Variants in TMEM244 observed in about 807,000 individuals in gnomAD.
The protein encoded by TMEM244 is transmembrane protein 244, also known as putative transmembrane protein 244.
In TMEM244, 13 loss-of-function variants were observed where a neutral mutation model predicts 15.8. The ratio of observed to expected loss-of-function variants is 0.82; its 90% CI spans 0.53 to 1.30. TMEM244 has a LOEUF of 1.30. Ranked by LOEUF, TMEM244 falls within the 50% of genes most tolerant of loss-of-function variation. The pLI is 0.00. For synonymous variants in TMEM244, 45 were observed against 48.7 expected (o/e 0.92, Z 0.32); for missense variants, 161 against 144.9 (o/e 1.11, Z -0.57).
At chr6:129,839,608 G>A (rs9402183) in intron 3 of TMEM244, among the ~76,000 whole-genome samples, 20,266 of 152,110 alleles carry the variant, frequency 0.13, 1,463 homozygotes, top group South Asian at 0.22. Flanking sequence ...GAAATAAAGC[G>A]TATTCAATTA....
chr6:129,851,859 G>C (rs9388743), intron 1 of TMEM244, among the ~76,000 whole-genome samples: 22,009 of 152,108 alleles, frequency 0.14, 1,633 homozygotes, highest in East Asian at 0.22. Context: ...TTTTTATTAC[G>C]TTTTTAAATA....
chr6:129,843,860 A>G (rs1393536038), intron 2 of TMEM244, among the ~76,000 whole-genome samples: 1 of 152,184 alleles, frequency 6.6e-6, no homozygotes, highest in South Asian at 2.1e-4. Flanking sequence ...GCAAAATTTC[A>G]GATCAGTCAT....
At chr6:129,859,388 C>T (rs1776768460) in intron 1 of TMEM244, among the ~76,000 whole-genome samples, 1 of 152,196 alleles carries the variant, frequency 6.6e-6, no homozygotes, top group Non-Finnish European at 1.5e-5. Flanking sequence ...ATATGACTCT[C>T]TCACTTGTAG....
intron 1 of TMEM244, among the ~76,000 whole-genome samples, chr6:129,860,332 T>A (rs7752926): frequency 0.071 from 10,863 of 152,234 alleles, 652 homozygotes; most frequent in African/African-American, 0.16. Flanking sequence ...ATAAGCTTTT[T>A]AAAAATATTT....
At chr6:129,837,978 C>A (rs900611385) in intron 3 of TMEM244, among the ~76,000 whole-genome samples, 17 of 152,170 alleles carry the variant, frequency 1.1e-4, no homozygotes, top group African/African-American at 4.1e-4. Context: ...TAATGGTAGA[C>A]TTTAACACCC....
intron 1 of TMEM244, among the ~76,000 whole-genome samples, chr6:129,851,780 C>A (rs1776640323): frequency 6.6e-6 from 1 of 152,134 alleles, no homozygotes; most frequent in African/African-American, 2.4e-5. Context: ...ATTATTGCTG[C>A]ACTCTAGGAA....
At chr6:129,842,210 A>G (rs891373126) in intron 3 of TMEM244, among the ~76,000 whole-genome samples, 1 of 152,166 alleles carries the variant, frequency 6.6e-6, no homozygotes, top group Admixed American at 6.5e-5. Flanking sequence ...AAATAATGAC[A>G]GTTGAGTGTT....
chr6:129,858,523 A>C (rs949170281), intron 1 of TMEM244, among the ~76,000 whole-genome samples: 2 of 152,166 alleles, frequency 1.3e-5, no homozygotes, highest in Non-Finnish European at 2.9e-5. Context: ...ACTGCAGGAC[A>C]GAATCAATCT....
intron 1 of TMEM244, among the ~76,000 whole-genome samples, chr6:129,857,972 G>A (rs1776741405): frequency 6.6e-6 from 1 of 151,910 alleles, no homozygotes; most frequent in African/African-American, 2.4e-5. Flanking sequence ...CGTCTATGAA[G>A]ATGAGTGAAG....
At chr6:129,849,663 G>A (rs983982824) in intron 1 of TMEM244, among the ~76,000 whole-genome samples, 6 of 152,060 alleles carry the variant, frequency 3.9e-5, no homozygotes, top group African/African-American at 1.4e-4. Flanking sequence ...TGGTAATTCT[G>A]GGACAGGCTC....
chr6:129,847,398 C>T (rs1475336556), intron 1 of TMEM244, among the ~76,000 whole-genome samples: 1 of 152,236 alleles, frequency 6.6e-6, no homozygotes, highest in South Asian at 2.1e-4. Context: ...CCAAACTGAC[C>T]ACATATTTTC....
At chr6:129,855,047 T>C (rs1776686250) in intron 1 of TMEM244, among the ~76,000 whole-genome samples, 1 of 152,180 alleles carries the variant, frequency 6.6e-6, no homozygotes, top group South Asian at 2.1e-4. Flanking sequence ...ACTGGGGATA[T>C]AGGAACTGGT....
At chr6:129,849,416 C>G (rs1562200000) in intron 1 of TMEM244, among the ~76,000 whole-genome samples, 1 of 152,086 alleles carries the variant, frequency 6.6e-6, no homozygotes, top group Non-Finnish European at 1.5e-5. Flanking sequence ...GCAATCAGAC[C>G]ATCACTTCCT....
intron 4 of TMEM244, among the ~76,000 whole-genome samples, chr6:129,832,401 A>G (rs2326873): frequency 0.58 from 88,367 of 151,968 alleles, 26,758 homozygotes; most frequent in Non-Finnish European, 0.65. Context: ...CCTGGCGGAG[A>G]CAGATTATAC....
rs750227148 is a variant in TMEM244, at chr6:129,843,570, A to C, written c.153T>G (p.Asp51Glu). The C allele has an allele frequency of 2.5e-6, 4 of 1,612,550 alleles. No individual in the cohort carries two copies. In the African/African-American group the frequency reaches 4.0e-5, roughly 16 times the overall value. ...TGAGCCATGAGGGATTTGTTTTGAA[A>C]TCAAATGGAGCCAGGACATTCAACT... ...VHELNVLAPF[D>E]FKTNPSWLNI... Residue 51 changes from aspartate to glutamate, a missense_variant, in exon 3 of 5, where the codon GAT (aspartate) becomes GAG (glutamate). Asp to Glu is a conservative substitution (Grantham distance 45, BLOSUM62 2). Coordinates refer to ENST00000368143, the MANE Select transcript of TMEM244 (RefSeq NM_001010876.2).
At chr6:129,831,582 TCTC>T (rs1017548421) in intron 4 of TMEM244, among the ~76,000 whole-genome samples, 196 bp from the exon 5 acceptor site, 8 of 152,196 alleles carry the variant, frequency 5.3e-5, no homozygotes, top group African/African-American at 1.9e-4. Flanking sequence ...TTACAACTCT[TCTC>T]CTAGAAATAA....
intron 1 of TMEM244, among the ~76,000 whole-genome samples, chr6:129,846,336 C>A (rs1408718687): frequency 6.6e-6 from 1 of 151,730 alleles, no homozygotes; most frequent in African/African-American, 2.4e-5. Context: ...TAATACATAC[C>A]CAGAAAACCT....
chr6:129,831,500 T>C (rs1487283189), intron 4 of TMEM244, 114 bp from the exon 5 acceptor site: 9 of 736,782 alleles, frequency 1.2e-5, no homozygotes, highest in Non-Finnish European at 1.9e-5. Context: ...GGTTTATCCA[T>C]GTTCATGAAA....
chr6:129,853,342 C>T (rs1473163499), intron 1 of TMEM244, among the ~76,000 whole-genome samples: 4 of 152,182 alleles, frequency 2.6e-5, no homozygotes, highest in African/African-American at 9.7e-5. Flanking sequence ...TACCTCACTT[C>T]CTCCAAGAAG....
Sources: allele counts gnomAD v4.1 joint callset (sites outside exome capture counted in the v4.1 genomes callset), GRCh38; gene constraint gnomAD v4.1.1; transcripts MANE v1.5; gene names NCBI Gene and HGNC (gene_info 2026-07-23, HGNC 2026-07-21).